The following EDIL3 variants were observed in gnomAD, a reference collection of about 807,000 sequenced individuals.
EDIL3 encodes EGF-like repeat and discoidin I-like domain-containing protein 3.
Under a neutral mutation model 67.4 loss-of-function variants are expected in EDIL3, and 37 were observed. That is an observed-to-expected ratio of 0.55 (90% CI 0.42 to 0.72). EDIL3 has a LOEUF of 0.72. Among genes scored for constraint, EDIL3 ranks in the 30% least tolerant of loss-of-function variants. EDIL3 has a pLI of 0.00. For missense variants in EDIL3, 527 were observed against 586.3 expected (o/e 0.90, Z 1.04); for synonymous variants, 195 against 196.3 (o/e 0.99, Z 0.05).
chr5:84,221,601 T>C (rs562506356), intron 3 of EDIL3, among the ~76,000 whole-genome samples: 38 of 152,232 alleles, frequency 2.5e-4, no homozygotes, highest in Non-Finnish European at 4.3e-4. Flanking sequence ...GTCTTTCCAC[T>C]AATGTCTTGG....
At chr5:84,150,560 G>A (rs1000459425) in intron 4 of EDIL3, among the ~76,000 whole-genome samples, 1 of 152,142 alleles carries the variant, frequency 6.6e-6, no homozygotes, top group African/African-American at 2.4e-5. Context: ...TTTGTCATTA[G>A]AGTATATAAA....
chr5:84,171,237 G>GA (rs1330685149), intron 4 of EDIL3, among the ~76,000 whole-genome samples: 4 of 151,838 alleles, frequency 2.6e-5, no homozygotes, highest in Admixed American at 6.6e-5. Flanking sequence ...GAATAGAAAA[G>GA]AAAAAAATGT....
intron 3 of EDIL3, chr5:84,181,335 C>A (rs931677191): frequency 6.6e-6 from 1 of 152,168 alleles, no homozygotes; most frequent in East Asian, 1.9e-4. Flanking sequence ...TCTGCTGTGG[C>A]AGCATTTATT....
At chr5:84,016,639 T>TA (rs1435543649) in intron 9 of EDIL3, among the ~76,000 whole-genome samples, 2 of 152,280 alleles carry the variant, frequency 1.3e-5, no homozygotes, top group African/African-American at 2.4e-5. Flanking sequence ...ACAAAACTAT[T>TA]AAAAAATATT....
chr5:84,199,935 A>T (rs987914396), intron 3 of EDIL3, among the ~76,000 whole-genome samples: 1 of 152,094 alleles, frequency 6.6e-6, no homozygotes, highest in Admixed American at 6.6e-5. Flanking sequence ...GAGCAACTAA[A>T]GCAAATAGTA....
intron 9 of EDIL3, among the ~76,000 whole-genome samples, chr5:84,036,632 G>C (rs1036967838): frequency 6.6e-6 from 1 of 152,168 alleles, no homozygotes; most frequent in East Asian, 1.9e-4. Context: ...GTCCCGCATT[G>C]AGCATTGATA....
intron 6 of EDIL3, among the ~76,000 whole-genome samples, chr5:84,094,259 A>G (rs1166691978): frequency 6.6e-6 from 1 of 152,194 alleles, no homozygotes; most frequent in Non-Finnish European, 1.5e-5. Context: ...AACAATTCAA[A>G]TAGAAATCAT....
At chr5:84,140,365 T>C (rs1258459725) in intron 4 of EDIL3, among the ~76,000 whole-genome samples, 2 of 152,160 alleles carry the variant, frequency 1.3e-5, no homozygotes, top group African/African-American at 2.4e-5. Flanking sequence ...TTATTATACA[T>C]ACTATTAACG....
At position 84,255,134 on chromosome 5, in the gene EDIL3, T is replaced by A. The variant is rs143502807; in HGVS notation, c.68-922A>T. On this transcript the variant is annotated intron_variant, in intron 1 of 10. Transcript: ENST00000296591. ...TGAGCTAAATAAAGAACCAGTCCAT[T>A]TGAAAGTAAAGGGAAGTAGTATACA... 1.6e-3 allele frequency among the ~76,000 whole-genome samples: 244 copies of A among 152,282 alleles called. 1 individual carries two copies. The highest frequency in any genetic ancestry group is 5.6e-3 in the African/African-American group (234 of 41,570).
intron 3 of EDIL3, among the ~76,000 whole-genome samples, chr5:84,211,708 CT>C (rs1270127363): frequency 1.7e-4 from 26 of 152,298 alleles, no homozygotes; most frequent in East Asian, 9.7e-4. Flanking sequence ...GAAAAATTCT[CT>C]TCTAGAACCC....
intron 10 of EDIL3, among the ~76,000 whole-genome samples, chr5:83,952,543 G>A (rs963654871): frequency 2.0e-5 from 3 of 151,732 alleles, no homozygotes; most frequent in African/African-American, 7.3e-5. Flanking sequence ...GATATTACCA[G>A]GAATAGTTGG....
intron 1 of EDIL3, among the ~76,000 whole-genome samples, chr5:84,311,562 T>C (rs900169534): frequency 1.3e-5 from 2 of 151,964 alleles, no homozygotes; most frequent in African/African-American, 2.4e-5. Context: ...TCCAGTTTTT[T>C]TTTTTATTTT....
chr5:84,052,510 T>C (rs982305713), intron 9 of EDIL3, among the ~76,000 whole-genome samples: 48 of 152,078 alleles, frequency 3.2e-4, no homozygotes, highest in Non-Finnish European at 3.4e-4. Flanking sequence ...AGACACAGAC[T>C]GGCAAATTGG....
chr5:84,303,632 AT>A (rs1746204334), intron 1 of EDIL3, among the ~76,000 whole-genome samples: 1 of 152,184 alleles, frequency 6.6e-6, no homozygotes, highest in Non-Finnish European at 1.5e-5. Flanking sequence ...ATATTATTAT[AT>A]TTTACATTTG....
chr5:84,329,633 A>G (rs1030628041), intron 1 of EDIL3, among the ~76,000 whole-genome samples: 6 of 152,122 alleles, frequency 3.9e-5, no homozygotes, highest in African/African-American at 1.2e-4. Context: ...CTATGTCAAA[A>G]TTAATAAGTT....
At chr5:83,954,191 T>A (rs1237105315) in intron 10 of EDIL3, among the ~76,000 whole-genome samples, 2 of 82,690 alleles carry the variant, frequency 2.4e-5, no homozygotes, top group Non-Finnish European at 3.2e-5. Flanking sequence ...TCCTTGAGCA[T>A]TTTTTTTTAT....
intron 1 of EDIL3, among the ~76,000 whole-genome samples, chr5:84,255,695 A>C (rs1416399657): frequency 6.6e-6 from 1 of 152,232 alleles, no homozygotes; most frequent in East Asian, 1.9e-4. Context: ...AAAATATTTG[A>C]AAAATGAAAA....
chr5:84,148,662 A>G (rs771471459), intron 4 of EDIL3, among the ~76,000 whole-genome samples: 4 of 152,084 alleles, frequency 2.6e-5, no homozygotes, highest in Non-Finnish European at 4.4e-5. Flanking sequence ...CATCTACAAA[A>G]TTATAGGATA....
chr5:84,220,057 G>A (rs1413287487), intron 3 of EDIL3, among the ~76,000 whole-genome samples: 1 of 152,072 alleles, frequency 6.6e-6, no homozygotes, highest in Non-Finnish European at 1.5e-5. Context: ...GCACAGCAGG[G>A]TAACTGCAGT....
Sources: gnomAD v4.1 joint callset for allele counts (sites outside exome capture counted in the v4.1 genomes callset) on GRCh38, gnomAD v4.1.1 for gene constraint, MANE v1.5 for transcripts, NCBI Gene and HGNC (gene_info 2026-07-23, HGNC 2026-07-21) for gene names.